The following TMEM178B variants were observed in gnomAD, a reference collection of about 807,000 sequenced individuals.
The protein encoded by TMEM178B is transmembrane protein 178B.
TMEM178B carries 5 observed loss-of-function variants against 31.0 expected under a neutral mutation model. The ratio of observed to expected loss-of-function variants is 0.16; its 90% CI spans 0.08 to 0.34. The LOEUF (loss-of-function observed/expected upper bound fraction) is 0.34. Among genes scored for constraint, TMEM178B ranks in the 10% least tolerant of loss-of-function variants. The pLI is 1.00. For synonymous variants in TMEM178B, 164 were observed against 164.0 expected, an observed-to-expected ratio of 1.00 and a Z score of 0.00; for missense variants, 275 against 400.3, an observed-to-expected ratio of 0.69 and a Z score of 2.67.
At chr7:141,341,796 A>G (rs533789767) in intron 2 of TMEM178B, among the ~76,000 whole-genome samples, 1 of 152,268 alleles carries the variant, frequency 6.6e-6, no homozygotes, top group African/African-American at 2.4e-5. Context: ...TGAAAAGCCC[A>G]GAAATCTTCC....
chr7:141,227,336 C>T (rs1169855960), intron 2 of TMEM178B, among the ~76,000 whole-genome samples: 2 of 152,226 alleles, frequency 1.3e-5, no homozygotes, highest in Admixed American at 1.3e-4. Context: ...TTACCAGACA[C>T]TGTTCTAGGC....
chr7:141,496,036 C>T, the TMEM178B span, among the ~76,000 whole-genome samples: 6 of 152,156 alleles, frequency 3.9e-5, no homozygotes, highest in Non-Finnish European at 5.9e-5. Context: ...CTTGGGGATT[C>T]GGCCATTCTC....
At chr7:141,431,943 G>A (rs1801438011) in intron 2 of TMEM178B, among the ~76,000 whole-genome samples, 1 of 152,100 alleles carries the variant, frequency 6.6e-6, no homozygotes, top group Non-Finnish European at 1.5e-5. Flanking sequence ...GCCTTTCCTT[G>A]GGCAGAGAAG....
chr7:141,307,322 GT>G (rs1171475172), intron 2 of TMEM178B, among the ~76,000 whole-genome samples: 1 of 152,242 alleles, frequency 6.6e-6, no homozygotes, highest in Non-Finnish European at 1.5e-5. Context: ...TATCACTTTT[GT>G]AATAGATAAT....
intron 2 of TMEM178B, among the ~76,000 whole-genome samples, chr7:141,371,547 C>T (rs142509105): frequency 1.1e-4 from 17 of 152,084 alleles, no homozygotes; most frequent in African/African-American, 3.6e-4. Context: ...ACTGTAGATA[C>T]GGAATAAGTG....
chr7:141,303,821 A>G (rs60009349), intron 2 of TMEM178B, among the ~76,000 whole-genome samples: 141 of 152,342 alleles, frequency 9.3e-4, no homozygotes, highest in African/African-American at 3.2e-3. Context: ...TTTGATATTA[A>G]TAATGGACAA....
intron 1 of TMEM178B, among the ~76,000 whole-genome samples, chr7:141,104,243 G>A (rs539538555): frequency 6.6e-6 from 1 of 152,230 alleles, no homozygotes; most frequent in South Asian, 2.1e-4. Context: ...GGCTGTCCTG[G>A]CCCCTGCTGT....
intron 2 of TMEM178B, among the ~76,000 whole-genome samples, chr7:141,279,470 C>T (rs146808011): frequency 6.6e-6 from 1 of 152,292 alleles, no homozygotes; most frequent in East Asian, 1.9e-4. Flanking sequence ...TTGGGAAACA[C>T]TGTGTGATTT....
chr7:141,178,066 G>A (rs1796462314), intron 1 of TMEM178B, among the ~76,000 whole-genome samples: 1 of 152,180 alleles, frequency 6.6e-6, no homozygotes, highest in South Asian at 2.1e-4. Context: ...GTATGTTTTT[G>A]CAGTGGCTGG....
downstream of TMEM178B, among the ~76,000 whole-genome samples, chr7:141,481,610 C>T (rs1312420677): frequency 1.3e-5 from 2 of 152,062 alleles, no homozygotes; most frequent in Non-Finnish European, 2.9e-5. Context: ...AGCTGTGGAA[C>T]TTCTTTAAAA....
intron 3 of TMEM178B, among the ~76,000 whole-genome samples, chr7:141,443,585 A>T (rs954635124): frequency 3.3e-5 from 5 of 152,196 alleles, no homozygotes; most frequent in African/African-American, 1.2e-4. Flanking sequence ...TCATCACATC[A>T]TTTCAACATG....
intron 2 of TMEM178B, among the ~76,000 whole-genome samples, chr7:141,391,969 G>A (rs183855310): frequency 1.2e-4 from 19 of 152,180 alleles, no homozygotes; most frequent in African/African-American, 3.9e-4. Flanking sequence ...TGGTTATTGT[G>A]AATAATGCTG....
chr7:141,505,359 C>T, the TMEM178B span, among the ~76,000 whole-genome samples: 634 of 152,294 alleles, frequency 4.2e-3, 4 homozygotes, highest in Non-Finnish European at 7.8e-3. Context: ...CCACATCTTT[C>T]CCATTTATTT....
At chr7:141,324,761 C>T (rs868336199) in intron 2 of TMEM178B, among the ~76,000 whole-genome samples, 2 of 152,194 alleles carry the variant, frequency 1.3e-5, no homozygotes, top group Middle Eastern at 6.8e-3. Flanking sequence ...TGTGCACGCA[C>T]ACATTTGTTT....
At chr7:141,377,444 G>C (rs1166469630) in intron 2 of TMEM178B, among the ~76,000 whole-genome samples, 2 of 151,820 alleles carry the variant, frequency 1.3e-5, no homozygotes, top group Non-Finnish European at 2.9e-5. Flanking sequence ...CGGCCTCCCT[G>C]CTTCTATTTT....
intron 2 of TMEM178B, among the ~76,000 whole-genome samples, chr7:141,261,972 A>G (rs552455292): frequency 5.3e-4 from 80 of 152,310 alleles, no homozygotes; most frequent in African/African-American, 1.8e-3. Context: ...AGCTAAGGCC[A>G]GAAAAGAGCC....
chr7:141,288,204 T>C (rs979379653), intron 2 of TMEM178B, among the ~76,000 whole-genome samples: 3 of 151,984 alleles, frequency 2.0e-5, no homozygotes, highest in African/African-American at 4.8e-5. Context: ...TCTTTTTTTT[T>C]TTCCCCCTCT....
intron 1 of TMEM178B, among the ~76,000 whole-genome samples, chr7:141,117,356 G>A (rs1795335593): frequency 6.6e-6 from 1 of 151,620 alleles, no homozygotes; most frequent in Non-Finnish European, 1.5e-5. Context: ...ACTTTTTGAT[G>A]GTTTTTTTTT....
At chr7:141,462,497 G>T (rs1259399029) in intron 3 of TMEM178B, among the ~76,000 whole-genome samples, 1 of 151,940 alleles carries the variant, frequency 6.6e-6, no homozygotes, top group African/African-American at 2.4e-5. Flanking sequence ...GCTGGGAACT[G>T]CAGGGCTGGA....
Sources: gnomAD v4.1 joint callset for allele counts (sites outside exome capture counted in the v4.1 genomes callset) on GRCh38, gnomAD v4.1.1 for gene constraint, MANE v1.5 for transcripts, NCBI Gene and HGNC (gene_info 2026-07-23, HGNC 2026-07-21) for gene names.